Variants in ADCY2 observed in about 807,000 individuals in gnomAD.
ADCY2 encodes the protein adenylate cyclase 2.
ADCY2 carries 31 observed loss-of-function variants against 125.2 expected under a neutral mutation model. The observed-to-expected ratio is 0.25, with a 90% CI of 0.19 to 0.33. ADCY2 has a LOEUF of 0.33. Ranked by LOEUF, ADCY2 falls within the 10% of genes least tolerant of loss-of-function variation. ADCY2 has a pLI of 1.00. For synonymous variants in ADCY2, 512 were observed against 548.4 expected (o/e 0.93, Z 0.93); for missense variants, 904 against 1,418.2 (o/e 0.64, Z 5.82).
chr5:7,396,336 G>A lies in ADCY2; in HGVS notation c.40G>A (p.Asp14Asn). Residue 14 changes from aspartate (D) to asparagine (N), a missense_variant, in exon 1 of 25, where the codon GAC becomes AAC. Physicochemically the swap from Asp to Asn is conservative, Grantham distance 23. This residue lies in a region of ADCY2 where 113 missense variants were observed against 108.0 expected (regional missense o/e 1.05). Transcript: ENST00000338316. This position sits in a 1 kb window ranked among gnomAD's most constrained non-coding sequence, Gnocchi z 5.7. ...EAMRRRRYLR[D>N]RSEEAAGGGD... ...GATGCGGCGCCGCCGCTACCTGCGG[G>A]ACCGCTCCGAGGAGGCGGCGGGCGG... 1 of 1,527,480 alleles carries A rather than the reference G, an allele frequency of 6.5e-7. No individual in the cohort carries two copies. Among genetic ancestry groups the A allele is most frequent in the East Asian group, 2.8e-5 (1 of 36,012 alleles). 94.6% of individuals were successfully genotyped at this position (1,527,480 alleles called of 1,614,324 possible).
At chr5:7,517,137 A>C (rs1425915618) in intron 2 of ADCY2, among the ~76,000 whole-genome samples, 1 of 152,144 alleles carries the variant, frequency 6.6e-6, no homozygotes, top group Non-Finnish European at 1.5e-5. Context: ...GTCTTGCAAA[A>C]GGCAAGTGCG....
chr5:7,554,370 G>A (rs1038947297), intron 3 of ADCY2, among the ~76,000 whole-genome samples: 2 of 152,122 alleles, frequency 1.3e-5, no homozygotes, highest in African/African-American at 2.4e-5. Context: ...ACATACTTTT[G>A]CATTTTAACC....
At chr5:7,744,808 A>G (rs1351119319) in intron 15 of ADCY2, among the ~76,000 whole-genome samples, 2 of 152,274 alleles carry the variant, frequency 1.3e-5, no homozygotes, top group Non-Finnish European at 2.9e-5. Context: ...TAAAAAATAA[A>G]TAGAAATGTT....
At chr5:7,753,209 T>A (rs1221610806) in intron 15 of ADCY2, among the ~76,000 whole-genome samples, 1 of 152,194 alleles carries the variant, frequency 6.6e-6, no homozygotes, top group Non-Finnish European at 1.5e-5. Context: ...GATTTTCCTA[T>A]ATATTTCTTC....
intron 2 of ADCY2, among the ~76,000 whole-genome samples, chr5:7,517,287 G>A (rs1204693006): frequency 6.6e-6 from 1 of 152,184 alleles, no homozygotes; most frequent in Non-Finnish European, 1.5e-5. Flanking sequence ...CTGGACAGAG[G>A]TACATCTAAG....
intron 4 of ADCY2, among the ~76,000 whole-genome samples, chr5:7,632,088 C>T (rs1342709474): frequency 1.3e-5 from 2 of 152,144 alleles, no homozygotes; most frequent in Non-Finnish European, 2.9e-5. Flanking sequence ...GTGAGACTTT[C>T]TCACTGCAGT....
Position 7,396,558 on chromosome 5 carries a change from G to C in ADCY2, c.210+52G>C. The C allele has an allele frequency of 6.8e-7, 1 of 1,476,192 alleles. No homozygotes were observed. Among genetic ancestry groups the C allele is most frequent in the Non-Finnish European group, 9.0e-7 (1 of 1,112,818 alleles). The allele number at this position is 1,476,192 out of a possible 1,614,324, so 91.4% of individuals were successfully genotyped here. A position where few individuals can be genotyped will look rare whatever the true frequency, so the allele number is the denominator to read the frequency against. On this transcript the variant is annotated intron_variant, in intron 1 of 24. Coordinates refer to ENST00000338316, the MANE Select transcript of ADCY2 (RefSeq NM_020546.3). This position sits in a 1 kb window ranked among gnomAD's most constrained non-coding sequence, Gnocchi z 5.7. ...GCCGCGCCTTCCCCGGCCCTGAGAG[G>C]AGCCCGGCCAGCCGAGCCGCGTCCC...
intron 2 of ADCY2, among the ~76,000 whole-genome samples, chr5:7,499,656 T>G (rs1259826633): frequency 1.9e-4 from 14 of 74,848 alleles, no homozygotes; most frequent in Non-Finnish European, 3.3e-4. Context: ...TGGATATATA[T>G]ATATATATAT....
intron 16 of ADCY2, among the ~76,000 whole-genome samples, chr5:7,758,277 A>G (rs540509338): frequency 6.6e-6 from 1 of 152,274 alleles, no homozygotes; most frequent in African/African-American, 2.4e-5. Flanking sequence ...CACTCTGACT[A>G]TATCAGTCTC....
chr5:7,659,204 G>C (rs999245416), intron 4 of ADCY2, among the ~76,000 whole-genome samples: 1 of 152,220 alleles, frequency 6.6e-6, no homozygotes, highest in Non-Finnish European at 1.5e-5. Flanking sequence ...TTCAGCATAG[G>C]TATGGTTTTC....
At chr5:7,805,154 A>G (rs542009648) in intron 22 of ADCY2, among the ~76,000 whole-genome samples, 1 of 143,744 alleles carries the variant, frequency 7.0e-6, no homozygotes, top group Admixed American at 6.7e-5. Context: ...CGTCTTTACC[A>G]AAAATACAAA....
chr5:7,749,794 A>T (rs1742745478), intron 15 of ADCY2: 1 of 152,256 alleles, frequency 6.6e-6, no homozygotes, highest in African/African-American at 2.4e-5. Context: ...ACGTTCTTCC[A>T]GGCAGAGATA....
At chr5:7,793,271 AC>A (rs1453167208) in intron 20 of ADCY2, among the ~76,000 whole-genome samples, 1 of 152,190 alleles carries the variant, frequency 6.6e-6, no homozygotes, top group Non-Finnish European at 1.5e-5. Flanking sequence ...ACATAGTGAA[AC>A]CCTGTATCTA....
rs376657887 is a variant in ADCY2 at position 7,396,465 on chromosome 5, T to A, written c.169T>A (p.Ser57Thr). 2.0e-5 allele frequency: 31 copies of A among 1,575,576 alleles called. No homozygotes were observed. The highest frequency in any genetic ancestry group is 2.6e-5 in the Non-Finnish European group (30 of 1,161,442). Residue 57 changes from serine to threonine, a missense_variant, in exon 1 of 25, where the codon TCC becomes ACC. Coordinates refer to ENST00000338316, the MANE Select transcript of ADCY2 (RefSeq NM_020546.3). The surrounding 1 kb of genome is among the most constrained non-coding windows in gnomAD (Gnocchi z 5.7). ...CTTCCTGCTGCTCATCGTCATGGGC[T>A]CCTGCCTCGCCCTGCTCGCCGTCTT... ...IVFLLLIVMG[S>T]CLALLAVFFA...
chr5:7,514,573 A>G (rs142388583), intron 2 of ADCY2, among the ~76,000 whole-genome samples: 38 of 152,320 alleles, frequency 2.5e-4, no homozygotes, highest in African/African-American at 8.9e-4. Context: ...ACATATATTG[A>G]AGTCCTAATC....
intron 4 of ADCY2, among the ~76,000 whole-genome samples, chr5:7,636,999 T>C (rs1199621673): frequency 2.0e-5 from 3 of 152,236 alleles, no homozygotes; most frequent in African/African-American, 7.2e-5. Flanking sequence ...TCTATGCTCA[T>C]GGCATAAATC....
chr5:7,635,334 G>A (rs975159946), intron 4 of ADCY2, among the ~76,000 whole-genome samples: 5 of 152,176 alleles, frequency 3.3e-5, no homozygotes, highest in Non-Finnish European at 2.9e-5. Context: ...GTACAGGCTG[G>A]ATACAGGAAT....
At chr5:7,739,605 A>G (rs1221014754) in intron 14 of ADCY2, among the ~76,000 whole-genome samples, 1 of 151,786 alleles carries the variant, frequency 6.6e-6, no homozygotes, top group Non-Finnish European at 1.5e-5. Context: ...AGTAGTGAAA[A>G]TTAATAAAGC....
At chr5:7,562,640 G>A (rs1451685159) in intron 3 of ADCY2, among the ~76,000 whole-genome samples, 3 of 151,998 alleles carry the variant, frequency 2.0e-5, no homozygotes, top group Non-Finnish European at 4.4e-5. Context: ...CAGACAGACA[G>A]ACATAGACAG....
Sources: allele counts gnomAD v4.1 joint callset (sites outside exome capture counted in the v4.1 genomes callset), GRCh38; gene constraint gnomAD v4.1.1; regional missense constraint gnomAD v4.1.1; non-coding constraint Gnocchi (gnomAD v3.1); transcripts MANE v1.5; gene names NCBI Gene and HGNC (gene_info 2026-07-23, HGNC 2026-07-21).